Variants in VPS37A observed in about 807,000 individuals in gnomAD.
VPS37A encodes the protein vacuolar protein sorting-associated protein 37A.
A neutral mutation model predicts 49.8 loss-of-function variants in VPS37A; 30 were observed. The observed-to-expected ratio is 0.60, with a 90% CI of 0.45 to 0.82. The LOEUF (loss-of-function observed/expected upper bound fraction) is 0.82, where lower values mean the gene tolerates loss of function less well. Among genes scored for constraint, VPS37A ranks in the 40% least tolerant of loss-of-function variants. VPS37A has a pLI of 0.00. For synonymous variants in VPS37A, 195 were observed against 160.6 expected (o/e 1.21, Z -1.62); for missense variants, 593 against 464.4 (o/e 1.28, Z -2.55).
chr8:17,270,119 A>G (rs777198620), intron 4 of VPS37A, among the ~76,000 whole-genome samples: 3 of 152,114 alleles, frequency 2.0e-5, no homozygotes, highest in Non-Finnish European at 4.4e-5. Flanking sequence ...CACCAAGAGG[A>G]TGGCATTAAA....
the VPS37A span, among the ~76,000 whole-genome samples, chr8:17,317,648 G>A: frequency 6.6e-6 from 1 of 152,156 alleles, no homozygotes; most frequent in Non-Finnish European, 1.5e-5. Context: ...GAGGAAGGAG[G>A]CTGGGACCCA....
chr8:17,312,705 T>A, the VPS37A span, among the ~76,000 whole-genome samples: 2 of 151,758 alleles, frequency 1.3e-5, no homozygotes, highest in African/African-American at 4.8e-5. Context: ...TGGCACTAAA[T>A]AAAGATTTCT....
the VPS37A span, among the ~76,000 whole-genome samples, chr8:17,315,587 G>A: frequency 2.0e-5 from 3 of 152,076 alleles, no homozygotes; most frequent in Non-Finnish European, 2.9e-5. Flanking sequence ...GGGACTCTCC[G>A]TACCTTCTGC....
downstream of VPS37A, chr8:17,305,807 G>A (rs762991322): frequency 6.8e-6 from 11 of 1,613,506 alleles, no homozygotes; most frequent in Non-Finnish European, 9.3e-6. Context: ...TTCCAAACTG[G>A]CAGGAATAAA....
At position 17,271,555 on chromosome 8, in the gene VPS37A, G is replaced by A. The variant is rs560012087; in HGVS notation, c.416+2599G>A. Among the ~76,000 whole-genome samples the A allele has an allele frequency of 1.7e-4, 26 of 152,088 alleles. No individual in the cohort carries two copies. The East Asian group carries it at 2.1e-3, about 12-fold the overall frequency. ...CGGGAGGAAGAGCTTGCAGTGAGCCGAGATCACGCCACTGCATTCCAGCCT... is the reference window on the plus strand; with the variant it reads ...CGGGAGGAAGAGCTTGCAGTGAGCCAAGATCACGCCACTGCATTCCAGCCT... On this transcript the variant is annotated intron_variant, in intron 4 of 11. Transcript: ENST00000324849.
the VPS37A span, among the ~76,000 whole-genome samples, chr8:17,316,191 GTAA>G: frequency 6.6e-6 from 1 of 151,896 alleles, no homozygotes; most frequent in Non-Finnish European, 1.5e-5. Flanking sequence ...CTGTAAAATG[GTAA>G]TAATAGCCTC....
chr8:17,331,344 C>G, the VPS37A span: 4 of 1,498,834 alleles, frequency 2.7e-6, no homozygotes, highest in African/African-American at 1.4e-5. Context: ...GATGAAACAA[C>G]CAAAACATTT....
downstream of VPS37A, chr8:17,300,195 T>G: frequency 6.2e-7 from 1 of 1,606,350 alleles, no homozygotes; most frequent in Non-Finnish European, 8.5e-7. Flanking sequence ...TAGTGCAATT[T>G]AACTGGACCT....
At position 17,268,917 on chromosome 8, in the gene VPS37A, A is replaced by G. The variant is rs753034747; in HGVS notation, c.377A>G (p.Asn126Ser). The change falls in exon 4 of 12, where the codon AAT becomes AGT. Residue 126 changes from asparagine (N) to serine (S), a missense_variant. Physicochemically the swap from Asn to Ser is conservative, Grantham distance 46. Transcript: ENST00000324849. ...AGTCTGTTGGATGAGTTTTGGAAGA[A>G]TCCTCCAGTTTTAGCTCCTACTTCA... ...IQSLLDEFWK[N>S]PPVLAPTSTA... 1.9e-6 allele frequency: 3 copies of G among 1,610,772 alleles called. No individual in the cohort carries two copies. Among genetic ancestry groups the G allele is most frequent in the South Asian group, 1.1e-5 (1 of 90,404 alleles).
At chr8:17,263,559 A>T (rs1813160944) in intron 1 of VPS37A, among the ~76,000 whole-genome samples, 1 of 152,214 alleles carries the variant, frequency 6.6e-6, no homozygotes, top group African/African-American at 2.4e-5. Context: ...CATCAGTATA[A>T]CTGGAGAAAA....
At chr8:17,267,060 C>G (rs1299567489) in intron 2 of VPS37A, among the ~76,000 whole-genome samples, 1 of 152,138 alleles carries the variant, frequency 6.6e-6, no homozygotes, top group African/African-American at 2.4e-5. Flanking sequence ...CGTATGTGAG[C>G]TTTTTGAATC....
At chr8:17,288,970 GTGA>G (rs1815886930) in intron 11 of VPS37A, among the ~76,000 whole-genome samples, 1 of 152,194 alleles carries the variant, frequency 6.6e-6, no homozygotes, top group Non-Finnish European at 1.5e-5. Context: ...CTAGTGACCA[GTGA>G]TGATGAGCTT....
chr8:17,247,680 C>A (rs541653792), intron 1 of VPS37A: 130 of 703,134 alleles, frequency 1.8e-4, no homozygotes, highest in Non-Finnish European at 2.7e-4. Context: ...CCTTGCTGCC[C>A]AGGCTTCGCC....
At chr8:17,325,857 C>A in the VPS37A span, among the ~76,000 whole-genome samples, 4 of 152,190 alleles carry the variant, frequency 2.6e-5, no homozygotes, top group Admixed American at 2.6e-4. Flanking sequence ...AAATACTTGC[C>A]TGGCTGACTG....
chr8:17,327,054 T>A, the VPS37A span, among the ~76,000 whole-genome samples: 1 of 152,204 alleles, frequency 6.6e-6, no homozygotes, highest in African/African-American at 2.4e-5. Flanking sequence ...AATAAGAATA[T>A]GCAAGCAATT....
At chr8:17,279,002 T>C (rs1451855192) in intron 6 of VPS37A, among the ~76,000 whole-genome samples, 1 of 152,164 alleles carries the variant, frequency 6.6e-6, no homozygotes, top group Non-Finnish European at 1.5e-5. Context: ...ATACCCATTT[T>C]TGTTTTTGGT....
intron 1 of VPS37A, chr8:17,248,094 T>C (rs970147418): frequency 2.7e-6 from 1 of 371,096 alleles, no homozygotes; most frequent in Non-Finnish European, 5.1e-6. Flanking sequence ...CAACTTTTAC[T>C]GTAAATTGGT....
intron 1 of VPS37A, among the ~76,000 whole-genome samples, chr8:17,250,567 C>A (rs1187836816): frequency 6.6e-6 from 1 of 151,958 alleles, no homozygotes; most frequent in African/African-American, 2.4e-5. Flanking sequence ...TTTTTTTGGC[C>A]ATGAAAGTAT....
rs201299991 is a variant in VPS37A at position 17,264,785 on chromosome 8, C to T, written c.126-1122C>T. On this transcript the variant is annotated intron_variant, in intron 1 of 11. Transcript: ENST00000324849. The stretch of plus-strand genomic sequence containing the variant: ...TGTTCATTTCAATATTAAGCTTCCT[C>T]TGCAACCTCACCTCATTAATACTAC... Among the ~76,000 whole-genome samples, 3 of 152,184 alleles carry T rather than the reference C, an allele frequency of 2.0e-5. No homozygotes were observed. In the East Asian group the frequency reaches 5.8e-4, roughly 29 times the overall value.
Sources: gnomAD v4.1 joint callset for allele counts (sites outside exome capture counted in the v4.1 genomes callset) on GRCh38, gnomAD v4.1.1 for gene constraint, MANE v1.5 for transcripts, NCBI Gene and HGNC (gene_info 2026-07-23, HGNC 2026-07-21) for gene names.